The following L3MBTL4 variants were observed in gnomAD, a reference collection of about 807,000 sequenced individuals.
L3MBTL4 encodes the protein lethal(3)malignant brain tumor-like protein 4.
Under a neutral mutation model 84.5 loss-of-function variants are expected in L3MBTL4, and 70 were observed. That is an observed-to-expected ratio of 0.83 (90% CI 0.68 to 1.01). L3MBTL4 has a LOEUF of 1.01. Among genes scored for constraint, L3MBTL4 ranks in the 50% least tolerant of loss-of-function variants. The pLI, the probability that L3MBTL4 is intolerant of heterozygous loss-of-function variation, is 0.00. For synonymous variants in L3MBTL4, 274 were observed against 259.8 expected, an observed-to-expected ratio of 1.05 and a Z score of -0.52; for missense variants, 715 against 754.8, an observed-to-expected ratio of 0.95 and a Z score of 0.62.
intron 16 of L3MBTL4, among the ~76,000 whole-genome samples, chr18:6,074,749 G>A (rs897254510): frequency 1.8e-4 from 27 of 151,996 alleles, no homozygotes; most frequent in Non-Finnish European, 5.9e-5. Context: ...CTTGATCTGG[G>A]TGCTGGTACA....
intron 5 of L3MBTL4, among the ~76,000 whole-genome samples, chr18:6,252,132 C>T (rs2047948612): frequency 6.6e-6 from 1 of 152,068 alleles, no homozygotes; most frequent in Non-Finnish European, 1.5e-5. Flanking sequence ...GCCAACATGG[C>T]TAAACCCCGT....
chr18:5,998,500 G>C (rs1026516384), intron 16 of L3MBTL4, among the ~76,000 whole-genome samples: 2 of 152,162 alleles, frequency 1.3e-5, no homozygotes, highest in African/African-American at 4.8e-5. Context: ...CTGAGGGTGG[G>C]CCTGGGGGAA....
chr18:6,069,046 C>T (rs1469072312), intron 16 of L3MBTL4, among the ~76,000 whole-genome samples: 2 of 152,220 alleles, frequency 1.3e-5, no homozygotes, highest in African/African-American at 4.8e-5. Context: ...GCAAGGGATC[C>T]AGAAATGTGA....
At chr18:6,282,880 A>G (rs2146600382) in intron 4 of L3MBTL4, among the ~76,000 whole-genome samples, 1 of 152,296 alleles carries the variant, frequency 6.6e-6, no homozygotes, top group Non-Finnish European at 1.5e-5. Context: ...AATGTTCCAG[A>G]AACAGAAGCA....
At chr18:6,204,886 TC>T (rs1045559526) in intron 12 of L3MBTL4, among the ~76,000 whole-genome samples, 5 of 152,374 alleles carry the variant, frequency 3.3e-5, no homozygotes, top group African/African-American at 1.2e-4. Context: ...ATGGTCTCTT[TC>T]TTCTACCTTA....
intron 14 of L3MBTL4, among the ~76,000 whole-genome samples, chr18:6,130,138 A>G (rs1461637113): frequency 3.3e-5 from 5 of 152,300 alleles, no homozygotes; most frequent in South Asian, 2.1e-4. Context: ...AGATGAAGAA[A>G]TGAAGTTAGG....
chr18:6,404,622 T>A (rs2055648801), intron 1 of L3MBTL4, among the ~76,000 whole-genome samples: 1 of 152,170 alleles, frequency 6.6e-6, no homozygotes, highest in East Asian at 1.9e-4. Context: ...TGGATAAAAA[T>A]CAGGAAAATG....
chr18:5,979,363 G>A (rs147782340), intron 16 of L3MBTL4, among the ~76,000 whole-genome samples: 351 of 152,262 alleles, frequency 2.3e-3, no homozygotes, highest in African/African-American at 8.2e-3. Context: ...ACAGCACCGT[G>A]CCTGTCATCC....
intron 16 of L3MBTL4, among the ~76,000 whole-genome samples, chr18:6,037,442 C>T (rs1251312705): frequency 6.6e-6 from 1 of 152,174 alleles, no homozygotes; most frequent in Admixed American, 6.5e-5. Context: ...TTATTGTCTA[C>T]AAAGGGAGGA....
In L3MBTL4 at chr18:6,301,963, A is replaced by G. The variant is rs377120423; in HGVS notation, c.73-6T>C. On this transcript the variant is annotated splice_region_variant and splice_polypyrimidine_tract_variant and intron_variant, in intron 3 of 18. Coordinates refer to ENST00000317931, the MANE Select transcript of L3MBTL4 (RefSeq NM_001330559.2). Reference sequence around the variant, plus strand: ...TTTTCCTCTTCAGCTTGCTCCTAGAATACAGAAAATGGTGTTTAGATGGTA... The same window carrying G: ...TTTTCCTCTTCAGCTTGCTCCTAGAGTACAGAAAATGGTGTTTAGATGGTA... The G allele has an allele frequency of 3.2e-5, 52 of 1,609,272 alleles. No homozygotes were observed. The highest frequency in any genetic ancestry group is 4.4e-5 in the Non-Finnish European group (52 of 1,175,654).
intron 16 of L3MBTL4, among the ~76,000 whole-genome samples, chr18:6,012,407 G>A (rs1034603402): frequency 1.3e-5 from 2 of 152,182 alleles, no homozygotes; most frequent in African/African-American, 4.8e-5. Flanking sequence ...CTCTGGTGTA[G>A]ATAATTTTAA....
chr18:6,005,942 TAC>T (rs2054458753), intron 16 of L3MBTL4, among the ~76,000 whole-genome samples: 1 of 152,074 alleles, frequency 6.6e-6, no homozygotes, highest in African/African-American at 2.4e-5. Flanking sequence ...TGAACTAATT[TAC>T]ATTCCCACTA....
In L3MBTL4 at chr18:6,337,728, G is replaced by A. The variant is rs541731490; in HGVS notation, c.-90-25672C>T. ...CTCACTAAGCTGAACACGTATGTTC[G>A]ATGAACTTTTACAGATATATGTTTA... On this transcript the variant is annotated intron_variant, in intron 1 of 18. Transcript: ENST00000317931. 9.2e-5 allele frequency among the ~76,000 whole-genome samples: 14 copies of A among 152,162 alleles called. No homozygotes were observed. In the East Asian group the frequency reaches 1.2e-3, roughly 13 times the overall value.
intron 18 of L3MBTL4, among the ~76,000 whole-genome samples, chr18:5,957,780 A>AC (rs539615393): frequency 1.3e-4 from 19 of 150,810 alleles, no homozygotes; most frequent in South Asian, 8.4e-4. Context: ...ACATGGTGAG[A>AC]CCCCCCGCCC....
At chr18:6,142,781 G>A (rs116136876) in intron 13 of L3MBTL4, among the ~76,000 whole-genome samples, 2,582 of 152,154 alleles carry the variant, frequency 0.017, 79 homozygotes, top group African/African-American at 0.058. Flanking sequence ...AGTTATTTGG[G>A]CATGGTGGCA....
chr18:6,044,900 C>G (rs1178235804), intron 16 of L3MBTL4, among the ~76,000 whole-genome samples: 6 of 152,198 alleles, frequency 3.9e-5, no homozygotes, highest in African/African-American at 1.4e-4. Context: ...AATCTATTTT[C>G]CTGTGCATTT....
chr18:6,142,121 C>T (rs1179751462), intron 13 of L3MBTL4, among the ~76,000 whole-genome samples: 1 of 152,166 alleles, frequency 6.6e-6, no homozygotes, highest in Non-Finnish European at 1.5e-5. Context: ...GAGGTTACGT[C>T]CTCATTTTAT....
At chr18:6,078,551 A>G (rs1438216123) in intron 16 of L3MBTL4, among the ~76,000 whole-genome samples, 2 of 152,002 alleles carry the variant, frequency 1.3e-5, no homozygotes, top group Non-Finnish European at 2.9e-5. Context: ...GTTTAATATC[A>G]CCATAAGAAC....
chr18:6,233,575 A>G (rs2146019372), intron 10 of L3MBTL4, among the ~76,000 whole-genome samples: 1 of 151,448 alleles, frequency 6.6e-6, no homozygotes. Context: ...AATTGCTTCC[A>G]AGAGAATAAA....
Sources: allele counts gnomAD v4.1 joint callset (sites outside exome capture counted in the v4.1 genomes callset), GRCh38; gene constraint gnomAD v4.1.1; transcripts MANE v1.5; gene names NCBI Gene and HGNC (gene_info 2026-07-23, HGNC 2026-07-21).